The following PCNX2 variants were observed in gnomAD, a reference collection of about 807,000 sequenced individuals.
PCNX2 encodes pecanex-like protein 2.
PCNX2 carries 168 observed loss-of-function variants against 223.8 expected under a neutral mutation model. That is an observed-to-expected ratio of 0.75 (90% CI 0.66 to 0.85). PCNX2 has a LOEUF of 0.85. Among genes scored for constraint, PCNX2 ranks in the 40% least tolerant of loss-of-function variants. The pLI is 0.00. For synonymous variants in PCNX2, 1,006 were observed against 1,052.6 expected (o/e 0.96, Z 0.86); for missense variants, 2,507 against 2,675.5 (o/e 0.94, Z 1.39).
chr1:233,019,467 C>T (rs186815438), intron 26 of PCNX2, among the ~76,000 whole-genome samples: 44 of 152,184 alleles, frequency 2.9e-4, no homozygotes, highest in South Asian at 6.2e-4. Flanking sequence ...AAGGCAGAGG[C>T]GGGAAAGAAA....
At chr1:233,106,427 G>A (rs939249162) in intron 21 of PCNX2, among the ~76,000 whole-genome samples, 10 of 143,504 alleles carry the variant, frequency 7.0e-5, no homozygotes, top group Non-Finnish European at 1.0e-4. Flanking sequence ...ATCTTGGCTC[G>A]CTGCAACCTC....
chr1:233,252,767 T>A lies in PCNX2; in HGVS notation c.1856A>T (p.Lys619Met), dbSNP rs1460465024. The A allele has an allele frequency of 6.2e-7, 1 of 1,609,792 alleles. No individual in the cohort carries two copies. The highest frequency in any genetic ancestry group is 8.5e-7 in the Non-Finnish European group (1 of 1,178,688). ...LLRDNCSQEK[K>M]EEILENEKPS... ...CTTTTCATTTTCCAGGATTTCCTCC[T>A]TTTTTTCCTGGGAACAGTTATCTGA... The change falls in exon 6 of 34, where the codon AAG (lysine) becomes ATG (methionine). Residue 619 changes from lysine (K) to methionine (M), a missense_variant. Lys to Met is a moderately conservative substitution (Grantham distance 95). Transcript: ENST00000258229.
intron 19 of PCNX2, among the ~76,000 whole-genome samples, chr1:233,158,602 C>A (rs1184492689): frequency 1.3e-5 from 2 of 151,876 alleles, no homozygotes; most frequent in African/African-American, 4.8e-5. Flanking sequence ...AGGTTACAAA[C>A]AGGTAAAGGT....
chr1:233,006,267 C>T (rs774910426), intron 28 of PCNX2, among the ~76,000 whole-genome samples: 2 of 152,122 alleles, frequency 1.3e-5, no homozygotes, highest in South Asian at 2.1e-4. Flanking sequence ...GAGTGTACTG[C>T]GTAGGCTGTA....
intron 27 of PCNX2, among the ~76,000 whole-genome samples, chr1:233,016,486 GAC>G (rs1443818536): frequency 6.6e-6 from 1 of 152,068 alleles, no homozygotes; most frequent in African/African-American, 2.4e-5. Context: ...TAACAGCACA[GAC>G]ACACAAAATA....
chr1:233,290,731 G>C (rs1321799726), intron 1 of PCNX2: 1 of 977,634 alleles, frequency 1.0e-6, no homozygotes, highest in Non-Finnish European at 1.2e-6. Flanking sequence ...AAATGATGTA[G>C]GTCTTATCAA....
At chr1:233,090,246 C>T (rs2102938970) in intron 22 of PCNX2, 56 bp from the exon 23 acceptor site, 2 of 1,571,492 alleles carry the variant, frequency 1.3e-6, no homozygotes, top group Non-Finnish European at 1.7e-6. Context: ...ATTTTTAAAA[C>T]ATTATTTCAA....
intron 13 of PCNX2, 119 bp from the exon 14 acceptor site, chr1:233,200,383 CTT>C (rs1011802481): frequency 0.063 from 12,995 of 206,636 alleles, no homozygotes; most frequent in South Asian, 0.1. Context: ...TGGAGGCAAT[CTT>C]TTTTTTTTTT....
At chr1:233,092,015 T>C (rs563896932) in intron 22 of PCNX2, among the ~76,000 whole-genome samples, 2 of 152,218 alleles carry the variant, frequency 1.3e-5, no homozygotes, top group Non-Finnish European at 2.9e-5. Flanking sequence ...AAGCTGAAAA[T>C]ACCTAAATAC....
intron 4 of PCNX2, among the ~76,000 whole-genome samples, 189 bp downstream of exon 4, chr1:233,261,095 GA>G (rs1273921396): frequency 6.6e-6 from 1 of 152,098 alleles, no homozygotes; most frequent in African/African-American, 2.4e-5. Context: ...TTTGAATTAA[GA>G]CTTGATATAC....
chr1:233,029,216 A>AT (rs1250863091), intron 25 of PCNX2, among the ~76,000 whole-genome samples: 4 of 151,254 alleles, frequency 2.6e-5, no homozygotes, highest in African/African-American at 9.7e-5. Flanking sequence ...TACCTCTTTT[A>AT]TTTTTTCAGT....
At chr1:232,998,549 G>T in intron 31 of PCNX2, 111 bp from the exon 32 acceptor site, 1 of 1,154,184 alleles carries the variant, frequency 8.7e-7, no homozygotes. Flanking sequence ...CTCTCCAGGT[G>T]AGTAGCCCAC....
intron 1 of PCNX2, among the ~76,000 whole-genome samples, chr1:233,287,418 A>G (rs77694628): frequency 0.022 from 3,320 of 152,238 alleles, 128 homozygotes; most frequent in African/African-American, 0.076. Flanking sequence ...CAGGGACCCA[A>G]TGGGAGGTAA....
At chr1:233,248,306 G>C (rs1369548300) in intron 8 of PCNX2, among the ~76,000 whole-genome samples, 2 of 151,890 alleles carry the variant, frequency 1.3e-5, no homozygotes, top group Non-Finnish European at 2.9e-5. Context: ...GAATCCAGCT[G>C]TGTGTGTGTA....
intron 15 of PCNX2, among the ~76,000 whole-genome samples, chr1:233,197,406 G>A (rs1572058455): frequency 6.6e-6 from 1 of 152,004 alleles, no homozygotes; most frequent in East Asian, 1.9e-4. Context: ...AGAAGTACAA[G>A]GACTCAGAAA....
intron 8 of PCNX2, among the ~76,000 whole-genome samples, chr1:233,246,328 C>G (rs1365177767): frequency 6.6e-6 from 1 of 152,200 alleles, no homozygotes; most frequent in Non-Finnish European, 1.5e-5. Flanking sequence ...CCATTCCACA[C>G]TGGGCCAGCT....
chr1:233,273,328 C>G (rs1320216002), intron 1 of PCNX2, among the ~76,000 whole-genome samples: 1 of 151,768 alleles, frequency 6.6e-6, no homozygotes, highest in Non-Finnish European at 1.5e-5. Flanking sequence ...CTGTGTGAGC[C>G]ATGGAAGGAG....
chr1:233,157,848 A>T (rs1039314424), intron 19 of PCNX2, among the ~76,000 whole-genome samples: 1 of 152,084 alleles, frequency 6.6e-6, no homozygotes, highest in African/African-American at 2.4e-5. Context: ...TCATGTGCCT[A>T]ATTTGTCTAA....
chr1:233,318,563 C>CTTTTTTTTTTTTTTTTTTTT, the PCNX2 span, among the ~76,000 whole-genome samples: 27 of 92,514 alleles, frequency 2.9e-4, 1 homozygote, highest in South Asian at 7.1e-4. Context: ...TTTTCTTTTT[C>CTTTTTTTTTTTTTTTTTTTT]TTTTTTTTTT....
Sources: allele counts gnomAD v4.1 joint callset (sites outside exome capture counted in the v4.1 genomes callset), GRCh38; gene constraint gnomAD v4.1.1; transcripts MANE v1.5; gene names NCBI Gene and HGNC (gene_info 2026-07-23, HGNC 2026-07-21).